DDX10: variants seen among roughly 807,000 people sequenced by gnomAD.
DDX10 encodes probable ATP-dependent RNA helicase DDX10.
In DDX10, 74 loss-of-function variants were observed where a neutral mutation model predicts 104.3. The observed-to-expected ratio is 0.71, with a 90% CI of 0.59 to 0.86. The LOEUF (loss-of-function observed/expected upper bound fraction) is 0.86, where lower values mean the gene tolerates loss of function less well. DDX10 is among the 40% of genes least tolerant of loss of function. The pLI, the probability that DDX10 is intolerant of heterozygous loss-of-function variation, is 0.00. For synonymous variants in DDX10, 351 were observed against 353.4 expected (o/e 0.99, Z 0.08); for missense variants, 952 against 1,040.0 (o/e 0.92, Z 1.16).
intron 6 of DDX10, among the ~76,000 whole-genome samples, chr11:108,686,117 A>G (rs1025930964): frequency 6.6e-6 from 1 of 152,148 alleles, no homozygotes; most frequent in African/African-American, 2.4e-5. Flanking sequence ...GTTTTAGGTT[A>G]ATCTCAAAAT....
At chr11:108,932,745 CT>C (rs1863989885) in intron 17 of DDX10, among the ~76,000 whole-genome samples, 2 of 151,914 alleles carry the variant, frequency 1.3e-5, no homozygotes, top group South Asian at 4.1e-4. Context: ...TGAGAATTTG[CT>C]TTTTGGTCTT....
At chr11:108,705,620 T>C (rs2094274732) in intron 9 of DDX10, among the ~76,000 whole-genome samples, 1 of 152,230 alleles carries the variant, frequency 6.6e-6, no homozygotes, top group Non-Finnish European at 1.5e-5. Flanking sequence ...TTTATGTTCT[T>C]TACAGTTCAT....
intron 13 of DDX10, among the ~76,000 whole-genome samples, chr11:108,732,081 A>C (rs1180669996): frequency 6.6e-6 from 1 of 152,236 alleles, no homozygotes; most frequent in Non-Finnish European, 1.5e-5. Flanking sequence ...GATTTGTACA[A>C]GAACCAAATT....
intron 16 of DDX10, among the ~76,000 whole-genome samples, chr11:108,912,334 CATT>C (rs1863691163): frequency 6.6e-6 from 1 of 152,152 alleles, no homozygotes; most frequent in Non-Finnish European, 1.5e-5. Flanking sequence ...AAACATTGTG[CATT>C]ATAATACCCC....
intron 13 of DDX10, among the ~76,000 whole-genome samples, chr11:108,771,947 A>C (rs1285511372): frequency 6.6e-6 from 1 of 152,192 alleles, no homozygotes; most frequent in Non-Finnish European, 1.5e-5. Flanking sequence ...GGTCTTAGCA[A>C]CATCAGGGCT....
intron 13 of DDX10, among the ~76,000 whole-genome samples, chr11:108,784,447 G>C (rs192926286): frequency 6.6e-6 from 1 of 152,216 alleles, no homozygotes; most frequent in East Asian, 1.9e-4. Context: ...TGCCCAGTGT[G>C]ATCTCAGCTC....
intron 13 of DDX10, among the ~76,000 whole-genome samples, chr11:108,782,768 T>C (rs1861724048): frequency 6.6e-6 from 1 of 151,994 alleles, no homozygotes; most frequent in Admixed American, 6.6e-5. Context: ...GTGAGGAGGA[T>C]TGGGAGCAAG....
At chr11:108,751,234 A>C (rs946905235) in intron 13 of DDX10, among the ~76,000 whole-genome samples, 17 of 152,144 alleles carry the variant, frequency 1.1e-4, no homozygotes, top group African/African-American at 4.1e-4. Flanking sequence ...ATTTATAAGT[A>C]AATATGTAAG....
At chr11:108,761,235 C>G (rs74649330) in intron 13 of DDX10, among the ~76,000 whole-genome samples, 1 of 152,056 alleles carries the variant, frequency 6.6e-6, no homozygotes. Flanking sequence ...TTTTTCAACT[C>G]AGTTGATTAC....
At position 108,685,418 on chromosome 11, in the gene DDX10, T is replaced by C. The variant is rs186484613; in HGVS notation, c.849-3518T>C. Reference sequence around the variant, plus strand: ...CGCACGGTGCGCACACACACTGGCCTGCGCCCACTGTCTGGCACTCCCTAG... The same window carrying C: ...CGCACGGTGCGCACACACACTGGCCCGCGCCCACTGTCTGGCACTCCCTAG... On this transcript the variant is annotated intron_variant, in intron 6 of 17. Coordinates refer to ENST00000322536, the MANE Select transcript of DDX10 (RefSeq NM_004398.4). Among the ~76,000 whole-genome samples the C allele has an allele frequency of 5.4e-3, 815 of 151,672 alleles. 2 individuals are homozygous for C. The highest frequency in any genetic ancestry group is 7.1e-3 in the Admixed American group (108 of 15,228).
chr11:108,681,795 A>T (rs922301273), intron 6 of DDX10, among the ~76,000 whole-genome samples: 1 of 152,228 alleles, frequency 6.6e-6, no homozygotes, highest in Admixed American at 6.5e-5. Context: ...ATGGTGGATT[A>T]TGAAAAATTT....
intron 1 of DDX10, among the ~76,000 whole-genome samples, chr11:108,668,196 T>C (rs1490362555): frequency 6.6e-6 from 1 of 152,218 alleles, no homozygotes; most frequent in East Asian, 1.9e-4. Context: ...GTGAAATTGT[T>C]CCCATTATAC....
intron 16 of DDX10, among the ~76,000 whole-genome samples, chr11:108,898,855 A>G (rs1863475385): frequency 6.6e-6 from 1 of 152,160 alleles, no homozygotes; most frequent in South Asian, 2.1e-4. Flanking sequence ...AGTAGGGGCA[A>G]ATAGAGAACT....
rs116697051 is a variant in DDX10 at position 108,833,606 on chromosome 11, A to G, written c.1966-4840A>G. On this transcript the variant is annotated intron_variant, in intron 13 of 17. Transcript: ENST00000322536. The stretch of plus-strand genomic sequence containing the variant: ...AGTTTTACTTCTTCAGGGGGGCAGG[A>G]CACAGAACTCTTTCAGAAACCAATA... Among the ~76,000 whole-genome samples, 1,186 of 152,362 alleles carry G rather than the reference A, an allele frequency of 7.8e-3. 11 individuals are homozygous for G. Among genetic ancestry groups the G allele is most frequent in the African/African-American group, 0.026 (1,083 of 41,580 alleles).
intron 13 of DDX10, among the ~76,000 whole-genome samples, chr11:108,836,150 A>G (rs976321478): frequency 6.6e-6 from 1 of 152,192 alleles, no homozygotes; most frequent in Non-Finnish European, 1.5e-5. Flanking sequence ...GATATAATAA[A>G]AGTTACCTCA....
At chr11:108,704,095 G>A (rs1015271339) in intron 9 of DDX10, among the ~76,000 whole-genome samples, 3 of 152,084 alleles carry the variant, frequency 2.0e-5, no homozygotes, top group Non-Finnish European at 2.9e-5. Flanking sequence ...CTTTAGTCCT[G>A]ACTCATCCTC....
intron 11 of DDX10, among the ~76,000 whole-genome samples, chr11:108,717,672 A>G (rs1461670930): frequency 6.6e-6 from 1 of 152,218 alleles, no homozygotes; most frequent in East Asian, 1.9e-4. Context: ...TTTATATTTT[A>G]GCAAATTATC....
chr11:108,791,709 C>A (rs577244830), intron 13 of DDX10, among the ~76,000 whole-genome samples: 2 of 152,274 alleles, frequency 1.3e-5, no homozygotes, highest in Non-Finnish European at 2.9e-5. Context: ...AACCTTGTTT[C>A]TCTACTAGTT....
chr11:108,776,942 C>T (rs558239185), intron 13 of DDX10, among the ~76,000 whole-genome samples: 1 of 152,298 alleles, frequency 6.6e-6, no homozygotes, highest in Non-Finnish European at 1.5e-5. Flanking sequence ...GGACTTGGCC[C>T]AGCTGACATT....
Sources: allele counts gnomAD v4.1 joint callset (sites outside exome capture counted in the v4.1 genomes callset), GRCh38; gene constraint gnomAD v4.1.1; transcripts MANE v1.5; gene names NCBI Gene and HGNC (gene_info 2026-07-23, HGNC 2026-07-21).